Variants in MEOX2 observed in about 807,000 individuals in gnomAD.
The protein encoded by MEOX2 is mesenchyme homeobox 2.
In MEOX2, 11 loss-of-function variants were observed where a neutral mutation model predicts 27.0. The ratio of observed to expected loss-of-function variants is 0.41; its 90% CI spans 0.26 to 0.68. MEOX2 has a LOEUF of 0.68. Among genes scored for constraint, MEOX2 ranks in the 30% least tolerant of loss-of-function variants. The pLI, the probability that MEOX2 is intolerant of heterozygous loss-of-function variation, is 0.33. For missense variants in MEOX2, 436 were observed against 385.4 expected (o/e 1.13, Z -1.10); for synonymous variants, 189 against 155.4 (o/e 1.22, Z -1.61).
chr7:15,633,576 G>A, intron 1 of MEOX2, among the ~76,000 whole-genome samples: 1 of 151,850 alleles, frequency 6.6e-6, no homozygotes. Flanking sequence ...ACATGCAACA[G>A]GAAAACTTCC....
chr7:15,645,838 A>G, intron 1 of MEOX2, among the ~76,000 whole-genome samples: 1 of 152,228 alleles, frequency 6.6e-6, no homozygotes, highest in South Asian at 2.1e-4. Context: ...TTGTATTCTG[A>G]GAAATGTGTA....
intron 2 of MEOX2, among the ~76,000 whole-genome samples, chr7:15,618,838 T>C (rs1781167050): frequency 6.6e-6 from 1 of 151,956 alleles, no homozygotes; most frequent in African/African-American, 2.4e-5. Flanking sequence ...AAATTATTAG[T>C]TCTGTGTGAG....
At chr7:15,678,988 T>A (rs1782250267) in intron 1 of MEOX2, 1 of 152,202 alleles carries the variant, frequency 6.6e-6, no homozygotes, top group Non-Finnish European at 1.5e-5. Flanking sequence ...AAACAAAAAC[T>A]GCAGGGACTT....
chr7:15,636,117 T>G (rs58126888), intron 1 of MEOX2, among the ~76,000 whole-genome samples: 5,512 of 152,032 alleles, frequency 0.036, 335 homozygotes, highest in African/African-American at 0.12. Flanking sequence ...AAAGTTTAAT[T>G]AATACTTCTA....
At chr7:15,663,609 G>A (rs191267005) in intron 1 of MEOX2, among the ~76,000 whole-genome samples, 52 of 152,206 alleles carry the variant, frequency 3.4e-4, no homozygotes, top group Middle Eastern at 3.4e-3. Context: ...AAAGTGCTGG[G>A]ATTACAGGCG....
At chr7:15,678,160 G>A (rs1446401060) in intron 1 of MEOX2, among the ~76,000 whole-genome samples, 2 of 152,110 alleles carry the variant, frequency 1.3e-5, no homozygotes, top group African/African-American at 4.8e-5. Flanking sequence ...AATGCATCCA[G>A]ATCTGTTTAT....
rs1269600571 is a variant in MEOX2, at chr7:15,612,517, A to T, written c.785T>A (p.Val262Glu). 6.2e-7 allele frequency: 1 copy of T among 1,613,908 alleles called. No homozygotes were observed. The highest frequency in any genetic ancestry group is 8.5e-7 in the Non-Finnish European group (1 of 1,180,012). ...AAAREKELVNVKKGTLLPSEL... is the reference protein window; with the variant it reads ...AAAREKELVNEKKGTLLPSEL... The stretch of plus-strand genomic sequence containing the variant: ...TGATGGGAGAAGTGTTCCCTTTTTC[A>T]CATTCACCAGTTCCTTTTCCCGAGC... The change falls in exon 3 of 3, where the codon GTG becomes GAG. Residue 262 changes from valine to glutamate, a missense_variant. Physicochemically the swap from Val to Glu is moderately radical, Grantham distance 121. Coordinates refer to ENST00000262041, the MANE Select transcript of MEOX2 (RefSeq NM_005924.5).
At chr7:15,615,608 G>T (rs986296014) in intron 2 of MEOX2, among the ~76,000 whole-genome samples, 1 of 151,944 alleles carries the variant, frequency 6.6e-6, no homozygotes, top group Non-Finnish European at 1.5e-5. Context: ...TTTTGCATTA[G>T]ATCTATTCCA....
intron 1 of MEOX2, among the ~76,000 whole-genome samples, chr7:15,661,367 C>G (rs1263520599): frequency 6.6e-6 from 1 of 152,160 alleles, no homozygotes; most frequent in African/African-American, 2.4e-5. Flanking sequence ...TTCAAAGTTT[C>G]TCAATTTTCT....
At position 15,612,666 on chromosome 7, in the gene MEOX2, A is replaced by AT. The variant is rs1261020931; in HGVS notation, c.691-56dup. ...GAAAAAAAGAGATAATTAAAGTGAC[A>AT]TTTTTTTCTCCTTAGTGTCATCAAT... On this transcript the variant is annotated intron_variant, in intron 2 of 2. Transcript: ENST00000262041. 13 of 1,500,794 alleles carry AT rather than the reference A, an allele frequency of 8.7e-6. No individual in the cohort carries two copies. The African/African-American group carries it at 9.6e-5, about 11-fold the overall frequency. 93.0% of individuals were successfully genotyped at this position (1,500,794 alleles called of 1,614,324 possible).
At position 15,612,319 on chromosome 7, in the gene MEOX2, C is replaced by T; in HGVS notation, c.*68G>A. On this transcript the variant is annotated 3_prime_UTR_variant, in exon 3 of 3. Transcript: ENST00000262041. ...TGCCATAGTCATCTCTCTGTGTAAA[C>T]GATATTTGGGTAAGGCTTGCCATCA... 2.4e-6 allele frequency: 3 copies of T among 1,239,204 alleles called. No homozygotes were observed. The highest frequency in any genetic ancestry group is 2.4e-6 in the Non-Finnish European group (2 of 842,622). 76.8% of individuals were successfully genotyped at this position (1,239,204 alleles called of 1,614,324 possible).
intron 1 of MEOX2, among the ~76,000 whole-genome samples, chr7:15,667,227 G>C (rs1782021880): frequency 7.3e-6 from 1 of 136,364 alleles, no homozygotes; most frequent in African/African-American, 2.8e-5. Context: ...GGAGGCAGAG[G>C]TTGCAGTGAG....
chr7:15,678,191 A>C (rs567022614), intron 1 of MEOX2, among the ~76,000 whole-genome samples: 32 of 152,332 alleles, frequency 2.1e-4, no homozygotes, highest in Middle Eastern at 6.8e-3. Flanking sequence ...AGAAAAAGAA[A>C]TTCCCACGTA....
At chr7:15,631,949 G>A (rs1331882057) in intron 1 of MEOX2, among the ~76,000 whole-genome samples, 1 of 51,788 alleles carries the variant, frequency 1.9e-5, no homozygotes, top group Non-Finnish European at 4.8e-5. Context: ...AAGAGAGAGA[G>A]AGAGGAGAAA....
chr7:15,627,124 T>A (rs7800593), intron 1 of MEOX2, among the ~76,000 whole-genome samples: 12 of 151,072 alleles, frequency 7.9e-5, no homozygotes, highest in African/African-American at 2.9e-4. Flanking sequence ...TAACTCACAG[T>A]CCATTTGGGA....
At position 15,686,421 on chromosome 7, in the gene MEOX2, T is replaced by C; in HGVS notation, c.-19A>G. The C allele has an allele frequency of 6.4e-7, 1 of 1,553,760 alleles. No individual in the cohort carries two copies. The highest frequency in any genetic ancestry group is 8.7e-7 in the Non-Finnish European group (1 of 1,147,984). ...GTTCCATAGCATGCAAGTTTCGGGTTCCAGGCAGAAGACTTCACGGCGGTT... is the reference window on the plus strand; with the variant it reads ...GTTCCATAGCATGCAAGTTTCGGGTCCCAGGCAGAAGACTTCACGGCGGTT... On this transcript the variant is annotated 5_prime_UTR_variant, in exon 1 of 3. Coordinates refer to ENST00000262041, the MANE Select transcript of MEOX2 (RefSeq NM_005924.5).
chr7:15,648,390 T>A (rs1376826945), intron 1 of MEOX2, among the ~76,000 whole-genome samples: 1 of 151,988 alleles, frequency 6.6e-6, no homozygotes, highest in Non-Finnish European at 1.5e-5. Context: ...CCGGTGCGGA[T>A]GAAGGAATAA....
At chr7:15,658,578 G>A (rs144312395) in intron 1 of MEOX2, among the ~76,000 whole-genome samples, 249 of 152,276 alleles carry the variant, frequency 1.6e-3, no homozygotes, top group Non-Finnish European at 2.8e-3. Context: ...TAGCTGTTAT[G>A]GACCAAAAGT....
chr7:15,682,508 C>T (rs1383416601), intron 1 of MEOX2, among the ~76,000 whole-genome samples: 1 of 151,792 alleles, frequency 6.6e-6, no homozygotes, highest in African/African-American at 2.4e-5. Flanking sequence ...TGATTCAAAA[C>T]CTAGTAAAGT....
Sources: allele counts gnomAD v4.1 joint callset (sites outside exome capture counted in the v4.1 genomes callset), GRCh38; gene constraint gnomAD v4.1.1; transcripts MANE v1.5; gene names NCBI Gene and HGNC (gene_info 2026-07-23, HGNC 2026-07-21).